The following CACNA1I variants were observed in gnomAD, a reference collection of about 807,000 sequenced individuals.
The protein encoded by CACNA1I is calcium voltage-gated channel subunit alpha1 I.
Under a neutral mutation model 201.6 loss-of-function variants are expected in CACNA1I, and 74 were observed. The ratio of observed to expected loss-of-function variants is 0.37; its 90% CI spans 0.30 to 0.45. CACNA1I has a LOEUF of 0.45. Ranked by LOEUF, CACNA1I falls within the 20% of genes least tolerant of loss-of-function variation. CACNA1I has a pLI of 1.00. For synonymous variants in CACNA1I, 1,431 were observed against 1,345.2 expected (o/e 1.06, Z -1.40); for missense variants, 2,346 against 3,138.1 (o/e 0.75, Z 6.03).
chr22:39,633,626 G>T (rs1282584349), intron 4 of CACNA1I, among the ~76,000 whole-genome samples: 1 of 152,122 alleles, frequency 6.6e-6, no homozygotes, highest in Admixed American at 6.5e-5. Flanking sequence ...TAAAAGCATG[G>T]AGGTGTGAAA....
intron 17 of CACNA1I, 108 bp downstream of exon 17, chr22:39,662,543 CG>C (rs1935059681): frequency 2.3e-6 from 2 of 866,924 alleles, no homozygotes; most frequent in South Asian, 1.9e-5. Flanking sequence ...GGGGCGTGGC[CG>C]GGGCGTGGCC....
At chr22:39,622,782 G>T (rs1933785841) in intron 4 of CACNA1I, among the ~76,000 whole-genome samples, 1 of 151,734 alleles carries the variant, frequency 6.6e-6, no homozygotes, top group Admixed American at 6.6e-5. Context: ...GCACCTGGGT[G>T]GGCGGGAGGG....
At chr22:39,608,106 A>G (rs1184043817) in intron 3 of CACNA1I, among the ~76,000 whole-genome samples, 1 of 133,710 alleles carries the variant, frequency 7.5e-6, no homozygotes, top group Non-Finnish European at 1.6e-5. Context: ...TGAGAGTGAA[A>G]CTCCATCTCC....
chr22:39,628,564 G>A (rs1411149711), intron 4 of CACNA1I, among the ~76,000 whole-genome samples: 2 of 152,078 alleles, frequency 1.3e-5, no homozygotes, highest in African/African-American at 4.8e-5. Context: ...GCTGAGGTTG[G>A]CTTCCTTTCT....
chr22:39,662,366 C>A lies in CACNA1I; in HGVS notation c.3303C>A (p.Ile1101=). The change falls in exon 17 of 37, where the codon ATC becomes ATA. Residue 1101 remains isoleucine (I), a synonymous_variant. Transcript: ENST00000402142. The stretch of plus-strand genomic sequence containing the variant: ...ACTGCAATGGCAGGATGCCCAGCAT[C>A]GCCAAAGACGTCTTCACCAAGATGG... ...HEDCNGRMPS[I]AKDVFTKMGD... The A allele has an allele frequency of 6.7e-7, 1 of 1,482,282 alleles. No homozygotes were observed. Among genetic ancestry groups the A allele is most frequent in the Admixed American group, 2.5e-5 (1 of 39,260 alleles). The allele number at this position is 1,482,282 out of a possible 1,614,324, so 91.8% of individuals were successfully genotyped here.
chr22:39,576,971 A>G (rs73422190), intron 1 of CACNA1I, among the ~76,000 whole-genome samples: 1,718 of 151,272 alleles, frequency 0.011, 40 homozygotes, highest in African/African-American at 0.04. Flanking sequence ...TTTTTTTTTG[A>G]GACCAAGTCT....
rs535520657 is a variant in CACNA1I at position 39,684,426 on chromosome 22, C to A, written c.5955C>A (p.Leu1985=). ...GPEKGTGTGT[L]PKIALQGSWA... ...AAAAGGGCACTGGCACTGGAACCCTCCCCAAGATTGCGCTGCAGGGCTCCT... is the reference window on the plus strand; with the variant it reads ...AAAAGGGCACTGGCACTGGAACCCTACCCAAGATTGCGCTGCAGGGCTCCT... Residue 1985 remains leucine (L), a synonymous_variant, in exon 36 of 37, where the codon CTC becomes CTA. Transcript: ENST00000402142. This position sits in a 1 kb window ranked among gnomAD's most constrained non-coding sequence, Gnocchi z 4.6. 1.2e-6 allele frequency: 2 copies of A among 1,613,484 alleles called. No homozygotes were observed. The highest frequency in any genetic ancestry group is 1.7e-6 in the Non-Finnish European group (2 of 1,179,884).
intron 2 of CACNA1I, among the ~76,000 whole-genome samples, chr22:39,599,385 C>T (rs1407998479): frequency 2.8e-5 from 4 of 142,116 alleles, no homozygotes; most frequent in South Asian, 2.3e-4. Flanking sequence ...TTTGGGAGGC[C>T]GAGGCGGGCG....
chr22:39,662,404 A>G lies in CACNA1I; in HGVS notation c.3341A>G (p.Asp1114Gly). 6.8e-7 allele frequency: 1 copy of G among 1,463,450 alleles called. No individual in the cohort carries two copies. The highest frequency in any genetic ancestry group is 9.0e-7 in the Non-Finnish European group (1 of 1,117,040). The allele number at this position is 1,463,450 out of a possible 1,614,324, so 90.7% of individuals were successfully genotyped here. Reference protein sequence around the residue: ...DVFTKMGDRGDRGEDEEEIDY... With the variant: ...DVFTKMGDRGGRGEDEEEIDY... ...TTCACCAAGATGGGCGACCGCGGGG[A>G]TCGCGGGGAGGATGAGGAGGAAATC... Residue 1114 changes from aspartate (D) to glycine (G), a missense_variant, in exon 17 of 37, where the codon GAT (aspartate) becomes GGT (glycine). Physicochemically the swap from Asp to Gly is moderately conservative, Grantham distance 94. Transcript: ENST00000402142.
chr22:39,665,428 TG>T lies in CACNA1I; in HGVS notation c.3852-67del. 1 of 1,581,648 alleles carries T rather than the reference TG, an allele frequency of 6.3e-7. No individual in the cohort carries two copies. Among genetic ancestry groups the T allele is most frequent in the Non-Finnish European group, 8.6e-7 (1 of 1,160,128 alleles). ...CTGGGATACTCAGCCCTGGTGACTCTGGGCTGAGTAGGGGCTGCCTCCTGGC... is the reference window on the plus strand; with the variant it reads ...CTGGGATACTCAGCCCTGGTGACTCTGGCTGAGTAGGGGCTGCCTCCTGGC... On this transcript the variant is annotated intron_variant, in intron 21 of 36. Coordinates refer to ENST00000402142, the MANE Select transcript of CACNA1I (RefSeq NM_021096.4). This position sits in a 1 kb window ranked among gnomAD's most constrained non-coding sequence, Gnocchi z 5.5.
At chr22:39,638,475 G>C (rs1041029836) in intron 5 of CACNA1I, among the ~76,000 whole-genome samples, 1 of 152,194 alleles carries the variant, frequency 6.6e-6, no homozygotes, top group African/African-American at 2.4e-5. Flanking sequence ...GTGAGTGTCT[G>C]TTTACACTTA....
intron 4 of CACNA1I, among the ~76,000 whole-genome samples, chr22:39,622,715 T>TG (rs1933783690): frequency 1.2e-5 from 1 of 85,844 alleles, no homozygotes; most frequent in African/African-American, 4.6e-5. Context: ...GAGCAGCAAG[T>TG]GGGTGGGAGA....
intron 3 of CACNA1I, among the ~76,000 whole-genome samples, chr22:39,608,140 A>T (rs71321166): frequency 7.4e-6 from 1 of 135,960 alleles, no homozygotes; most frequent in Admixed American, 7.3e-5. Context: ...AAAAAAAAAT[A>T]CAAATACAAA....
chr22:39,614,254 G>C (rs999459648), intron 3 of CACNA1I, among the ~76,000 whole-genome samples: 1 of 152,178 alleles, frequency 6.6e-6, no homozygotes, highest in Non-Finnish European at 1.5e-5. Flanking sequence ...GGCAGGTAGC[G>C]AGTGCTCAGA....
At chr22:39,573,736 G>A (rs1464693016) in intron 1 of CACNA1I, among the ~76,000 whole-genome samples, 4 of 152,188 alleles carry the variant, frequency 2.6e-5, no homozygotes, top group African/African-American at 7.2e-5. Context: ...CTGTCTCCTT[G>A]GTTTTCACCA....
chr22:39,597,370 G>A (rs1188312668), intron 1 of CACNA1I, among the ~76,000 whole-genome samples: 1 of 152,182 alleles, frequency 6.6e-6, no homozygotes, highest in Non-Finnish European at 1.5e-5. Flanking sequence ...GAGGGAGGGA[G>A]GAGGGCATTC....
intron 35 of CACNA1I, among the ~76,000 whole-genome samples, chr22:39,683,449 G>A (rs897557917): frequency 2.6e-5 from 4 of 152,184 alleles, no homozygotes; most frequent in Non-Finnish European, 4.4e-5. Context: ...GGTGGCTGAG[G>A]TGCCAAGATC....
chr22:39,666,083 G>A lies in CACNA1I; in HGVS notation c.4104+77G>A. The A allele has an allele frequency of 6.5e-7, 1 of 1,529,498 alleles. No homozygotes were observed. Among genetic ancestry groups the A allele is most frequent in the Non-Finnish European group, 8.9e-7 (1 of 1,126,718 alleles). 94.7% of individuals were successfully genotyped at this position (1,529,498 alleles called of 1,614,324 possible). A position where few individuals can be genotyped will look rare whatever the true frequency, so the allele number is the denominator to read the frequency against. ...AGTGGCTCTGGGAATCACAGACCTG[G>A]CTTGTCTTGCACTGCCAGGACTGAC... On this transcript the variant is annotated intron_variant, in intron 23 of 36. Transcript: ENST00000402142. The surrounding 1 kb of genome is among the most constrained non-coding windows in gnomAD (Gnocchi z 4.1).
Position 39,686,461 on chromosome 22 carries a change from C to CA in CACNA1I, c.*57dup. The CA allele has an allele frequency of 8.8e-7, 1 of 1,134,388 alleles. No homozygotes were observed. Among genetic ancestry groups the CA allele is most frequent in the Non-Finnish European group, 1.1e-6 (1 of 901,530 alleles). 70.3% of individuals were successfully genotyped at this position (1,134,388 alleles called of 1,614,324 possible). ...CCGCCCCGTCTCACCTTCTTTACCT[C>CA]AGGAGCCAGGAGCAGACAGCAATAC... On this transcript the variant is annotated 3_prime_UTR_variant, in exon 37 of 37. Transcript: ENST00000402142.
Sources: gnomAD v4.1 joint callset for allele counts (sites outside exome capture counted in the v4.1 genomes callset) on GRCh38, gnomAD v4.1.1 for gene constraint, Gnocchi (gnomAD v3.1) non-coding constraint, MANE v1.5 for transcripts, NCBI Gene and HGNC (gene_info 2026-07-23, HGNC 2026-07-21) for gene names.